The following NRXN3 variants were observed in gnomAD, a reference collection of about 807,000 sequenced individuals.
The protein encoded by NRXN3 is neurexin III.
A neutral mutation model predicts 137.6 loss-of-function variants in NRXN3; 32 were observed. That is an observed-to-expected ratio of 0.23 (90% confidence interval 0.18 to 0.31). The LOEUF is 0.31. Among genes scored for constraint, NRXN3 ranks in the 10% least tolerant of loss-of-function variants. NRXN3 has a pLI of 1.00. For synonymous variants in NRXN3, 798 were observed against 784.5 expected (o/e 1.02, Z -0.29); for missense variants, 1,574 against 2,062.5 (o/e 0.76, Z 4.59).
chr14:78,817,060 T>C (rs943824425), intron 10 of NRXN3, among the ~76,000 whole-genome samples: 5 of 152,232 alleles, frequency 3.3e-5, no homozygotes, highest in African/African-American at 1.2e-4. Context: ...AGTAGCAATA[T>C]GTTATAGTAA....
At chr14:78,521,678 T>C (rs1393020890) in intron 4 of NRXN3, among the ~76,000 whole-genome samples, 2 of 152,134 alleles carry the variant, frequency 1.3e-5, no homozygotes, top group Non-Finnish European at 2.9e-5. Context: ...TACAAAAACA[T>C]ATAAAAACCT....
At chr14:78,956,055 A>G (rs72685468) in intron 10 of NRXN3, among the ~76,000 whole-genome samples, 5,259 of 152,268 alleles carry the variant, frequency 0.035, 138 homozygotes, top group Non-Finnish European at 0.05. Flanking sequence ...GGAGCCAAGT[A>G]TATGGTTTTC....
intron 16 of NRXN3, among the ~76,000 whole-genome samples, chr14:79,509,667 T>C (rs139452404): frequency 2.1e-4 from 32 of 152,060 alleles, no homozygotes; most frequent in Non-Finnish European, 4.4e-4. Flanking sequence ...TGTGAAGTGA[T>C]AGATGTATTA....
chr14:78,630,310 G>A (rs1226224932), intron 4 of NRXN3, among the ~76,000 whole-genome samples: 1 of 152,134 alleles, frequency 6.6e-6, no homozygotes, highest in Non-Finnish European at 1.5e-5. Context: ...AAAGAAAATA[G>A]AGTTGACTAC....
At chr14:78,344,140 C>T (rs951051073) in intron 4 of NRXN3, among the ~76,000 whole-genome samples, 2 of 152,206 alleles carry the variant, frequency 1.3e-5, no homozygotes, top group African/African-American at 4.8e-5. Flanking sequence ...TGCTAGCCCT[C>T]GGAATGAAGC....
intron 19 of NRXN3, among the ~76,000 whole-genome samples, chr14:79,776,029 G>C (rs191949291): frequency 2.0e-5 from 3 of 152,286 alleles, no homozygotes; most frequent in African/African-American, 7.2e-5. Flanking sequence ...TGGGATGAGT[G>C]TGAGTGGAGA....
At chr14:78,648,017 A>G (rs2097703756) in intron 5 of NRXN3, among the ~76,000 whole-genome samples, 1 of 152,224 alleles carries the variant, frequency 6.6e-6, no homozygotes. Context: ...AGTACTTATT[A>G]CCAAATGGAG....
intron 15 of NRXN3, among the ~76,000 whole-genome samples, chr14:79,155,409 T>C (rs1177795911): frequency 6.6e-6 from 1 of 151,920 alleles, no homozygotes. Context: ...GTATTGTCAT[T>C]GCACAGTATT....
At chr14:79,814,639 C>T (rs2099246264) in intron 20 of NRXN3, among the ~76,000 whole-genome samples, 1 of 152,168 alleles carries the variant, frequency 6.6e-6, no homozygotes, top group Non-Finnish European at 1.5e-5. Context: ...AAAGGGACTT[C>T]ATGTAAGATC....
At chr14:78,745,910 C>T (rs1595449281) in intron 8 of NRXN3, among the ~76,000 whole-genome samples, 1 of 152,208 alleles carries the variant, frequency 6.6e-6, no homozygotes, top group African/African-American at 2.4e-5. Flanking sequence ...TTCTGATCCT[C>T]ACTTCCCTCC....
intron 19 of NRXN3, among the ~76,000 whole-genome samples, chr14:79,721,766 G>A (rs927493435): frequency 3.9e-5 from 6 of 152,134 alleles, no homozygotes; most frequent in African/African-American, 1.4e-4. Flanking sequence ...GATTTATTTT[G>A]TTGACTATAA....
At chr14:78,964,720 C>T (rs1433943228) in intron 11 of NRXN3, among the ~76,000 whole-genome samples, 5 of 151,604 alleles carry the variant, frequency 3.3e-5, no homozygotes, top group Non-Finnish European at 7.4e-5. Flanking sequence ...GTTGAGGAAG[C>T]CAATTTCTAC....
rs2099414817 is a variant in NRXN3, at chr14:79,862,223, CAT to C, written c.*261_*262del. On this transcript the variant is annotated 3_prime_UTR_variant, in exon 21 of 21. Coordinates refer to ENST00000335750, the MANE Select transcript of NRXN3 (RefSeq NM_001330195.2). ...CAGAAGGTTTTGTGCCCTGCTGTAT[CAT>C]AAAGCACACACTTAGCGCTCTGGAG... 1 of 421,288 alleles carries C rather than the reference CAT, an allele frequency of 2.4e-6. No homozygotes were observed. The highest frequency in any genetic ancestry group is 4.3e-6 in the Non-Finnish European group (1 of 230,430). The allele number at this position is 421,288 out of a possible 1,614,324, so 26.1% of individuals were successfully genotyped here.
chr14:78,859,096 A>G (rs1267371382), intron 10 of NRXN3, among the ~76,000 whole-genome samples: 1 of 152,128 alleles, frequency 6.6e-6, no homozygotes, highest in Non-Finnish European at 1.5e-5. Context: ...CATCATAGTG[A>G]GTTCTCACAA....
intron 15 of NRXN3, among the ~76,000 whole-genome samples, chr14:79,026,096 G>A (rs2099597584): frequency 6.6e-6 from 1 of 152,140 alleles, no homozygotes. Flanking sequence ...TTTTAAGCTT[G>A]TATAGAGAAA....
intron 15 of NRXN3, among the ~76,000 whole-genome samples, chr14:79,369,315 A>T (rs754507305): frequency 2.0e-5 from 3 of 152,198 alleles, no homozygotes; most frequent in Non-Finnish European, 4.4e-5. Flanking sequence ...TTTGGCTTCT[A>T]TGTCAAGGAG....
chr14:78,780,103 C>T (rs912915050), intron 8 of NRXN3, among the ~76,000 whole-genome samples: 3 of 152,114 alleles, frequency 2.0e-5, no homozygotes, highest in African/African-American at 7.2e-5. Flanking sequence ...GACATCGACA[C>T]AAAATAGGCA....
chr14:78,813,700 C>T (rs1329847521), intron 10 of NRXN3, among the ~76,000 whole-genome samples: 2 of 151,620 alleles, frequency 1.3e-5, no homozygotes, highest in African/African-American at 4.9e-5. Context: ...GTTGTTTGTT[C>T]TGGGAAATGG....
At chr14:78,258,763 A>T (rs1419180269) in intron 2 of NRXN3, among the ~76,000 whole-genome samples, 1 of 152,124 alleles carries the variant, frequency 6.6e-6, no homozygotes, top group African/African-American at 2.4e-5. Flanking sequence ...AATGATGAAG[A>T]ATTGCATTGT....
Sources: allele counts gnomAD v4.1 joint callset (sites outside exome capture counted in the v4.1 genomes callset), GRCh38; gene constraint gnomAD v4.1.1; transcripts MANE v1.5; gene names NCBI Gene and HGNC (gene_info 2026-07-23, HGNC 2026-07-21).